The following IQCJ variants were observed in gnomAD, a reference collection of about 807,000 sequenced individuals.
IQCJ encodes IQ domain-containing protein J.
A neutral mutation model predicts 11.0 loss-of-function variants in IQCJ; 9 were observed. The ratio of observed to expected loss-of-function variants is 0.82; its 90% CI spans 0.49 to 1.43. The LOEUF (loss-of-function observed/expected upper bound fraction) is 1.43, where lower values mean the gene tolerates loss of function less well. Ranked by LOEUF, IQCJ falls within the 40% of genes most tolerant of loss-of-function variation. The pLI, the probability that IQCJ is intolerant of heterozygous loss-of-function variation, is 0.00. For missense variants in IQCJ, 146 were observed against 133.2 expected (o/e 1.10, Z -0.47); for synonymous variants, 55 against 51.3 (o/e 1.07, Z -0.31).
At chr3:159,121,125 ATTTTTCT>A (rs946009235) in intron 1 of IQCJ, among the ~76,000 whole-genome samples, 11 of 140,582 alleles carry the variant, frequency 7.8e-5, no homozygotes, top group Non-Finnish European at 1.4e-4. Context: ...TAAGCTGGGC[ATTTTTCT>A]TTTTTCTTTT....
At chr3:159,140,259 T>C (rs1326912246) in intron 1 of IQCJ, among the ~76,000 whole-genome samples, 1 of 152,214 alleles carries the variant, frequency 6.6e-6, no homozygotes, top group Non-Finnish European at 1.5e-5. Context: ...TATAGTATCA[T>C]ACAGCATAGT....
intron 1 of IQCJ, among the ~76,000 whole-genome samples, chr3:159,151,433 C>A (rs1300662618): frequency 3.3e-5 from 5 of 152,206 alleles, no homozygotes; most frequent in Non-Finnish European, 5.9e-5. Flanking sequence ...CAACTGAGTT[C>A]TTCAGCATGC....
chr3:159,142,426 C>T (rs909449581), intron 1 of IQCJ, among the ~76,000 whole-genome samples: 16 of 80,928 alleles, frequency 2.0e-4, no homozygotes, highest in African/African-American at 5.9e-4. Context: ...GGTCTTTTCC[C>T]CCCCCCACCA....
chr3:159,229,431 C>G (rs553482786), intron 1 of IQCJ, among the ~76,000 whole-genome samples: 2 of 152,148 alleles, frequency 1.3e-5, no homozygotes, highest in Admixed American at 1.3e-4. Flanking sequence ...TCAGCAACTC[C>G]TTTCCTTCGC....
chr3:159,123,799 C>T (rs1719515647), intron 1 of IQCJ, among the ~76,000 whole-genome samples: 1 of 152,092 alleles, frequency 6.6e-6, no homozygotes, highest in Admixed American at 6.5e-5. Context: ...GGTTGCCTGT[C>T]TGTGATTTAG....
chr3:159,094,216 G>C (rs1362199691), intron 1 of IQCJ, among the ~76,000 whole-genome samples: 2 of 151,578 alleles, frequency 1.3e-5, no homozygotes, highest in Non-Finnish European at 2.9e-5. Flanking sequence ...AGCCACTGGG[G>C]ACAAAGACAA....
chr3:159,167,266 T>C (rs1167010768), intron 1 of IQCJ, among the ~76,000 whole-genome samples: 1 of 152,204 alleles, frequency 6.6e-6, no homozygotes, highest in Non-Finnish European at 1.5e-5. Context: ...CTCATTTGCC[T>C]CCCTATAGCA....
intron 1 of IQCJ, among the ~76,000 whole-genome samples, chr3:159,083,119 T>C (rs148817390): frequency 3.2e-4 from 48 of 152,192 alleles, no homozygotes; most frequent in African/African-American, 1.1e-3. Context: ...TTGGACATTA[T>C]CAACATTAAA....
At chr3:159,258,527 C>G (rs955553384) in intron 3 of IQCJ, among the ~76,000 whole-genome samples, 2 of 152,088 alleles carry the variant, frequency 1.3e-5, no homozygotes, top group African/African-American at 4.8e-5. Flanking sequence ...CCTCACAGTT[C>G]ACTTGTGGTA....
intron 1 of IQCJ, among the ~76,000 whole-genome samples, chr3:159,122,579 T>C (rs193090500): frequency 9.3e-4 from 141 of 152,344 alleles, no homozygotes; most frequent in Admixed American, 7.2e-3. Context: ...TATTTCCTTT[T>C]TTCTTCGAAA....
chr3:159,210,928 T>A (rs1724920164), intron 1 of IQCJ, among the ~76,000 whole-genome samples: 1 of 146,000 alleles, frequency 6.8e-6, no homozygotes, highest in South Asian at 2.5e-4. Context: ...CACCTCTACC[T>A]CCCAAGTTGC....
intron 1 of IQCJ, among the ~76,000 whole-genome samples, chr3:159,127,139 T>G (rs1354564081): frequency 6.6e-6 from 1 of 152,232 alleles, no homozygotes; most frequent in Non-Finnish European, 1.5e-5. Flanking sequence ...CAAACACATT[T>G]TGAAGGTTGA....
intron 1 of IQCJ, among the ~76,000 whole-genome samples, chr3:159,169,279 CTTTTTT>C (rs141888128): frequency 4.3e-4 from 24 of 56,398 alleles, no homozygotes; most frequent in African/African-American, 1.9e-3. Flanking sequence ...TTCTTTCTTT[CTTTTTT>C]TTTTTTTTTT....
intron 1 of IQCJ, among the ~76,000 whole-genome samples, chr3:159,151,062 CT>C (rs1474404736): frequency 6.6e-6 from 1 of 152,192 alleles, no homozygotes; most frequent in Non-Finnish European, 1.5e-5. Flanking sequence ...CAATGTCAAA[CT>C]TTTAGCCCCT....
intron 1 of IQCJ, among the ~76,000 whole-genome samples, chr3:159,136,714 C>CTT (rs1362696028): frequency 6.6e-6 from 1 of 152,182 alleles, no homozygotes; most frequent in East Asian, 1.9e-4. Context: ...TGAACAAGGG[C>CTT]TTTGCCCTCA....
At chr3:159,155,629 T>C (rs1383609313) in intron 1 of IQCJ, among the ~76,000 whole-genome samples, 1 of 152,214 alleles carries the variant, frequency 6.6e-6, no homozygotes, top group East Asian at 1.9e-4. Context: ...AACAAAGTAA[T>C]TTTTACTTCA....
intron 1 of IQCJ, among the ~76,000 whole-genome samples, chr3:159,076,195 C>G (rs1375140741): frequency 1.3e-5 from 2 of 151,884 alleles, no homozygotes; most frequent in African/African-American, 2.4e-5. Flanking sequence ...TCTGCTCATC[C>G]TCACCTAACT....
At chr3:159,158,382 T>C (rs1405491171) in intron 1 of IQCJ, among the ~76,000 whole-genome samples, 2 of 152,200 alleles carry the variant, frequency 1.3e-5, no homozygotes, top group African/African-American at 4.8e-5. Context: ...GAAGAACAAT[T>C]ACTCAGAAGT....
chr3:159,116,623 T>TATATATATATAA (rs1719022467), intron 1 of IQCJ, among the ~76,000 whole-genome samples: 1 of 17,244 alleles, frequency 5.8e-5, no homozygotes, highest in African/African-American at 2.8e-4. Context: ...TGTATATATA[T>TATATATATATAA]ATATATATAT....
Sources: allele counts gnomAD v4.1 joint callset (sites outside exome capture counted in the v4.1 genomes callset), GRCh38; gene constraint gnomAD v4.1.1; transcripts MANE v1.5; gene names NCBI Gene and HGNC (gene_info 2026-07-23, HGNC 2026-07-21).